Variants in KIF23 observed in about 807,000 individuals in gnomAD.
KIF23 encodes kinesin-like protein KIF23.
KIF23 carries 30 observed loss-of-function variants against 137.5 expected under a neutral mutation model. The ratio of observed to expected loss-of-function variants is 0.22; its 90% CI spans 0.16 to 0.30. KIF23 has a LOEUF of 0.30. Ranked by LOEUF, KIF23 falls within the 10% of genes least tolerant of loss-of-function variation. KIF23 has a pLI of 1.00. For missense variants in KIF23, 920 were observed against 1,194.3 expected (o/e 0.77, Z 3.38); for synonymous variants, 367 against 391.1 (o/e 0.94, Z 0.73).
At chr15:69,446,850 C>T in intron 22 of KIF23, 21 bp from the exon 23 acceptor site, 1 of 1,611,132 alleles carries the variant, frequency 6.2e-7, no homozygotes, top group Non-Finnish European at 8.5e-7. Context: ...GATCTTTTTC[C>T]TCTTGTCATT....
At chr15:69,434,133 C>G (rs1406348947) in intron 11 of KIF23, among the ~76,000 whole-genome samples, 1 of 152,176 alleles carries the variant, frequency 6.6e-6, no homozygotes, top group Non-Finnish European at 1.5e-5. Context: ...TCAGTTTTCC[C>G]TGCAGTTTTT....
chr15:69,435,602 T>G (rs780531492), intron 12 of KIF23, 40 bp downstream of exon 12: 16 of 1,612,786 alleles, frequency 9.9e-6, no homozygotes, highest in Non-Finnish European at 1.4e-5. Flanking sequence ...ATAGTTTCAT[T>G]TGTGTGCATT....
rs1384896375 is a variant in KIF23, at chr15:69,429,112, A to G, written c.1013A>G (p.Glu338Gly). ...TTATTGGCTTTGTGATCTTTTTAGG[A>G]AAAAGAACAAATCACTATAAGTCAG... Reference protein sequence around the residue: ...LDADGDNVLQEKEQITISQLS... With the variant: ...LDADGDNVLQGKEQITISQLS... Residue 338 changes from glutamate to glycine, a missense_variant and splice_region_variant, in exon 11 of 24, where the codon GAA becomes GGA. This residue lies in a region of KIF23 where 714 missense variants were observed against 866.2 expected (regional missense o/e 0.82). Coordinates refer to ENST00000679126, the MANE Select transcript of KIF23 (RefSeq NM_001367805.3). The G allele has an allele frequency of 3.7e-6, 6 of 1,606,254 alleles. No homozygotes were observed. Among genetic ancestry groups the G allele is most frequent in the Non-Finnish European group, 4.3e-6 (5 of 1,175,562 alleles).
chr15:69,425,361 G>T, intron 8 of KIF23, 38 bp downstream of exon 8: 2 of 1,510,394 alleles, frequency 1.3e-6, no homozygotes, highest in Non-Finnish European at 1.8e-6. Flanking sequence ...AAGGAGAAGG[G>T]TGCAGTTATA....
At chr15:69,424,217 TAGTG>T (rs2057131911) in intron 7 of KIF23, among the ~76,000 whole-genome samples, 1 of 152,234 alleles carries the variant, frequency 6.6e-6, no homozygotes, top group South Asian at 2.1e-4. Context: ...CTGTGGTTCT[TAGTG>T]AGTCACATTT....
chr15:69,417,527 A>T lies in KIF23; in HGVS notation c.210+16A>T. 1 of 1,604,996 alleles carries T rather than the reference A, an allele frequency of 6.2e-7. No homozygotes were observed. Among genetic ancestry groups the T allele is most frequent in the Non-Finnish European group, 8.5e-7 (1 of 1,177,028 alleles). ...CTATAAGGAGGTAATTCTGATTTGG[A>T]CCAAGTTGTTTTTACTCAATATGTT... On this transcript the variant is annotated intron_variant, in intron 3 of 23. Transcript: ENST00000679126.
In KIF23 at chr15:69,421,962, T is replaced by TATAACTCA. The variant is rs780304497; in HGVS notation, c.317-29_317-22dup. ...TACTCTAAGTGGAGAACTTCTAAGA[T>TATAACTCA]ATAACTCATTGTGACTTGCTACACT... On this transcript the variant is annotated intron_variant, in intron 4 of 23. Coordinates refer to ENST00000679126, the MANE Select transcript of KIF23 (RefSeq NM_001367805.3). 5 of 1,611,234 alleles carry TATAACTCA rather than the reference T, an allele frequency of 3.1e-6. No homozygotes were observed. The East Asian group carries it at 1.1e-4, about 36-fold the overall frequency.
chr15:69,414,570 C>T lies in KIF23; in HGVS notation c.11+94C>T, dbSNP rs533230898. 2.3e-5 allele frequency: 29 copies of T among 1,234,794 alleles called. No individual in the cohort carries two copies. In the Admixed American group the frequency reaches 4.2e-4, roughly 18 times the overall value. The allele number at this position is 1,234,794 out of a possible 1,614,324, so 76.5% of individuals were successfully genotyped here. On this transcript the variant is annotated intron_variant, in intron 1 of 23. Coordinates refer to ENST00000679126, the MANE Select transcript of KIF23 (RefSeq NM_001367805.3). ...CGTCTCCACTCAGGCCGCGGCCGTA[C>T]GCGGGCAGCGCGGACAGCATCCCGC...
intron 3 of KIF23, among the ~76,000 whole-genome samples, chr15:69,417,934 T>C (rs80319354): frequency 6.6e-6 from 1 of 152,312 alleles, no homozygotes; most frequent in East Asian, 1.9e-4. Context: ...CTCAAAAATA[T>C]TGTTTAGCAA....
chr15:69,421,729 A>G lies in KIF23; in HGVS notation c.293A>G (p.Asn98Ser), dbSNP rs61751120. ...GATGTTGTGGCTAATCCCTTGGTCAATGACCTCATTCATGGCAAAAATGGT... is the reference window on the plus strand; with the variant it reads ...GATGTTGTGGCTAATCCCTTGGTCAGTGACCTCATTCATGGCAAAAATGGT... ...LFDVVANPLV[N>S]DLIHGKNGLL... The change falls in exon 4 of 24, where the codon AAT becomes AGT. Residue 98 changes from asparagine to serine, a missense_variant. This residue lies in a region of KIF23 where 124 missense variants were observed against 122.0 expected (regional missense o/e 1.02). Coordinates refer to ENST00000679126, the MANE Select transcript of KIF23 (RefSeq NM_001367805.3). 4,636 of 1,613,194 alleles carry G rather than the reference A, an allele frequency of 2.9e-3. 26 individuals carry two copies. Among genetic ancestry groups the G allele is most frequent in the Middle Eastern group, 0.013 (80 of 6,058 alleles).
chr15:69,440,096 G>A lies in KIF23; in HGVS notation c.1929+19G>A. On this transcript the variant is annotated intron_variant, in intron 17 of 23. Coordinates refer to ENST00000679126, the MANE Select transcript of KIF23 (RefSeq NM_001367805.3). ...AGAATGTGTGAGTATCGTTTGGGTA[G>A]TGCTTGTCTCAGAGTCGGATGATTT... is the stretch of plus-strand genomic sequence containing the variant. 1 of 1,605,672 alleles carries A rather than the reference G, an allele frequency of 6.2e-7. No individual in the cohort carries two copies. The highest frequency in any genetic ancestry group is 8.5e-7 in the Non-Finnish European group (1 of 1,176,208).
intron 22 of KIF23, 90 bp from the exon 23 acceptor site, chr15:69,446,781 T>C: frequency 8.8e-7 from 1 of 1,140,638 alleles, no homozygotes; most frequent in Non-Finnish European, 1.3e-6. Context: ...CAATATTGCA[T>C]TTCACCTAGG....
Position 69,426,443 on chromosome 15 carries a change from G to C in KIF23, c.997G>C (p.Asp333His), listed in dbSNP as rs2057194441. Reference protein sequence around the residue: ...LVQAPLDADGDNVLQEKEQIT... With the variant: ...LVQAPLDADGHNVLQEKEQIT... ...TCAGGCTCCCTTGGATGCAGATGGAGACAATGTCTTACAGGTAAAGTTGTA... is the reference window on the plus strand; with the variant it reads ...TCAGGCTCCCTTGGATGCAGATGGACACAATGTCTTACAGGTAAAGTTGTA... Residue 333 changes from aspartate (D) to histidine (H), a missense_variant, in exon 10 of 24, where the codon GAC (aspartate) becomes CAC (histidine). This residue lies in a region of KIF23 where 714 missense variants were observed against 866.2 expected (regional missense o/e 0.82). Coordinates refer to ENST00000679126, the MANE Select transcript of KIF23 (RefSeq NM_001367805.3). The C allele has an allele frequency of 6.2e-7, 1 of 1,614,132 alleles. No individual in the cohort carries two copies. The highest frequency in any genetic ancestry group is 8.5e-7 in the Non-Finnish European group (1 of 1,179,988).
intron 6 of KIF23, among the ~76,000 whole-genome samples, 153 bp downstream of exon 6, chr15:69,422,588 G>A (rs1284832671): frequency 1.3e-5 from 2 of 152,108 alleles, no homozygotes. Flanking sequence ...TTGCTCAGAT[G>A]TTTTCTCTTT....
In KIF23 at chr15:69,432,597, CTG is replaced by C. The variant is rs376842241; in HGVS notation, c.1115-2881_1115-2880del. Among the ~76,000 whole-genome samples the C allele has an allele frequency of 7.3e-3, 1,112 of 152,042 alleles. 19 individuals carry two copies. Among genetic ancestry groups the C allele is most frequent in the African/African-American group, 0.025 (1,033 of 41,478 alleles). ...AGAGATAAATGGTTAGGTTGCAGGG[CTG>C]TGTGCCATGGATGTAGGGTGAAGCC... On this transcript the variant is annotated intron_variant, in intron 11 of 23. Coordinates refer to ENST00000679126, the MANE Select transcript of KIF23 (RefSeq NM_001367805.3).
chr15:69,415,965 G>T lies in KIF23; in HGVS notation c.12-29G>T, dbSNP rs772838359. The T allele has an allele frequency of 2.7e-6, 4 of 1,490,594 alleles. No homozygotes were observed. The Admixed American group carries it at 9.3e-5, about 35-fold the overall frequency. 92.3% of individuals were successfully genotyped at this position (1,490,594 alleles called of 1,614,324 possible). On this transcript the variant is annotated intron_variant, in intron 1 of 23. Transcript: ENST00000679126. ...GTATTCGTGTTGAACTGAAAAAAAA[G>T]TTATTATTATTTTTTAATCTATGAC...
At chr15:69,418,037 A>G (rs773989236) in intron 3 of KIF23, among the ~76,000 whole-genome samples, 4 of 152,230 alleles carry the variant, frequency 2.6e-5, no homozygotes, top group South Asian at 2.1e-4. Context: ...CTTAAGATAT[A>G]TGGTAAACAA....
At position 69,446,289 on chromosome 15, in the gene KIF23, A is replaced by C. The variant is rs1298785350; in HGVS notation, c.2763A>C (p.Arg921=). ...TLKQESPNGS[R]KRRSSTVAPA... ...CATGTTTCCCCTTTTTCAGTAGTCG[A>C]AAACGAAGATCTTCCACAGTAGCAC... Residue 921 remains arginine (R), a synonymous_variant, in exon 22 of 24, where the codon CGA becomes CGC. Coordinates refer to ENST00000679126, the MANE Select transcript of KIF23 (RefSeq NM_001367805.3). 6.2e-7 allele frequency: 1 copy of C among 1,613,978 alleles called. No homozygotes were observed. Among genetic ancestry groups the C allele is most frequent in the Non-Finnish European group, 8.5e-7 (1 of 1,179,934 alleles).
chr15:69,436,272 GTGT>G lies in KIF23; in HGVS notation c.1438+15_1438+17del, dbSNP rs1286536388. The G allele has an allele frequency of 1.2e-6, 2 of 1,609,088 alleles. No individual in the cohort carries two copies. Among genetic ancestry groups the G allele is most frequent in the Non-Finnish European group, 1.7e-6 (2 of 1,178,650 alleles). On this transcript the variant is annotated intron_variant, in intron 14 of 23. Transcript: ENST00000679126. ...GTCCAGTTGGAAATGGTATGATTTGGTGTTGTATCATTTGTCCACTCATTGGTC... is the reference window on the plus strand; with the variant it reads ...GTCCAGTTGGAAATGGTATGATTTGGTGTATCATTTGTCCACTCATTGGTC...
Sources: allele counts gnomAD v4.1 joint callset (sites outside exome capture counted in the v4.1 genomes callset), GRCh38; gene constraint gnomAD v4.1.1; regional missense constraint gnomAD v4.1.1; transcripts MANE v1.5; gene names NCBI Gene and HGNC (gene_info 2026-07-23, HGNC 2026-07-21).